KCNV2: variants seen among roughly 807,000 people sequenced by gnomAD.
KCNV2 encodes the protein potassium voltage-gated channel modifier subfamily V member 2.
In KCNV2, 65 loss-of-function variants were observed where a neutral mutation model predicts 37.0. The observed-to-expected ratio is 1.76, with a 90% CI of 1.44 to 2.16. The LOEUF (loss-of-function observed/expected upper bound fraction) is 2.16, where lower values mean the gene tolerates loss of function less well. KCNV2 is among the 30% of genes most tolerant of loss of function. KCNV2 has a pLI of 0.00. For missense variants in KCNV2, 1,232 were observed against 766.7 expected (o/e 1.61, Z -7.17); for synonymous variants, 518 against 328.6 (o/e 1.58, Z -6.23).
chr9:2,725,231 G>T (rs770198795), intron 1 of KCNV2, among the ~76,000 whole-genome samples: 1 of 152,104 alleles, frequency 6.6e-6, no homozygotes. Flanking sequence ...ACCGCTTATT[G>T]TACCACTTAC....
rs899801446 is a variant in KCNV2, at chr9:2,718,503, C to T, written c.764C>T (p.Ser255Phe). ...RLWNLMEKPF[S>F]SVAAKAIGVA... ...TGGAACCTCATGGAGAAGCCATTCT[C>T]CTCGGTGGCCGCCAAGGCCATCGGG... is the stretch of plus-strand genomic sequence containing the variant. The change falls in exon 1 of 2, where the codon TCC (serine) becomes TTC (phenylalanine). Residue 255 changes from serine (S) to phenylalanine (F), a missense_variant. Transcript: ENST00000382082. 6.2e-7 allele frequency: 1 copy of T among 1,610,814 alleles called. No individual in the cohort carries two copies. Among genetic ancestry groups the T allele is most frequent in the South Asian group, 1.1e-5 (1 of 90,746 alleles).
chr9:2,718,376 C>T lies in KCNV2; in HGVS notation c.637C>T (p.Arg213Trp), dbSNP rs747313869. The change falls in exon 1 of 2, where the codon CGG becomes TGG. Residue 213 changes from arginine (R) to tryptophan (W), a missense_variant. Arg to Trp is a moderately radical substitution (Grantham distance 101, BLOSUM62 -3). Transcript: ENST00000382082. ...GGAGCGGCGCGACGAGCTGAGCGAA[C>T]GGCTCAAGATCCAGCACGAGCTGCG... is the stretch of plus-strand genomic sequence containing the variant. ...FEERRDELSE[R>W]LKIQHELRAQ... is the part of the protein sequence containing the mutation. 8.1e-6 allele frequency: 13 copies of T among 1,599,754 alleles called. 1 individual carries two copies. In the East Asian group the frequency reaches 1.1e-4, roughly 14 times the overall value.
Position 2,718,758 on chromosome 9 carries a change from T to A in KCNV2, c.1019T>A (p.Leu340Gln). ...FARSALNLVD[L>Q]VAILPLYLQL... is the part of the protein sequence containing the mutation. ...CGCAGCGCCCTCAACCTGGTGGACC[T>A]GGTGGCCATCCTGCCGCTCTACCTT... The change falls in exon 1 of 2, where the codon CTG (leucine) becomes CAG (glutamine). Residue 340 changes from leucine to glutamine, a missense_variant. Coordinates refer to ENST00000382082, the MANE Select transcript of KCNV2 (RefSeq NM_133497.4). 6.2e-7 allele frequency: 1 copy of A among 1,611,784 alleles called. No individual in the cohort carries two copies. The highest frequency in any genetic ancestry group is 8.5e-7 in the Non-Finnish European group (1 of 1,179,886).
chr9:2,717,751 G>A lies in KCNV2; in HGVS notation c.12G>A (p.Gln4=). 1 of 1,614,194 alleles carries A rather than the reference G, an allele frequency of 6.2e-7. No homozygotes were observed. Among genetic ancestry groups the A allele is most frequent in the Non-Finnish European group, 8.5e-7 (1 of 1,180,012 alleles). ...CACTTTCCGCAGCCATGCTCAAACA[G>A]AGTGAGAGGAGACGGTCCTGGAGCT... MLK[Q]SERRRSWSYR... Residue 4 remains glutamine, a synonymous_variant, in exon 1 of 2, where the codon CAG becomes CAA. Coordinates refer to ENST00000382082, the MANE Select transcript of KCNV2 (RefSeq NM_133497.4).
chr9:2,723,861 C>T (rs2130865511), intron 1 of KCNV2, among the ~76,000 whole-genome samples: 1 of 152,242 alleles, frequency 6.6e-6, no homozygotes, highest in South Asian at 2.1e-4. Flanking sequence ...CTCTGGATTG[C>T]CTGGGGGTAG....
In KCNV2 at chr9:2,718,813, G is replaced by C. The variant is rs1229495796; in HGVS notation, c.1074G>C (p.Glu358Asp). 5.0e-6 allele frequency: 8 copies of C among 1,610,338 alleles called. No individual in the cohort carries two copies. Among genetic ancestry groups the C allele is most frequent in the Middle Eastern group, 1.6e-4 (1 of 6,062 alleles). ...TGCTGCTCGAGTGCTTCACGGGCGA[G>C]GGCCACCAACGCGGCCAGACGGTGG... ...LQLLLECFTG[E>D]GHQRGQTVGS... Residue 358 changes from glutamate to aspartate, a missense_variant, in exon 1 of 2, where the codon GAG becomes GAC. Physicochemically the swap from Glu to Asp is conservative, Grantham distance 45. Transcript: ENST00000382082.
Position 2,718,234 on chromosome 9 carries a change from C to T in KCNV2, c.495C>T (p.Tyr165=), listed in dbSNP as rs757715024. ...TCTTCCAGCTGGTCTACAATTTCTACCTGTCCGGGGTGCTGCTGGTGCTCG... is the reference window on the plus strand; with the variant it reads ...TCTTCCAGCTGGTCTACAATTTCTATCTGTCCGGGGTGCTGCTGGTGCTCG... ...PAVFQLVYNF[Y]LSGVLLVLDG... Residue 165 remains tyrosine, a synonymous_variant, in exon 1 of 2, where the codon TAC becomes TAT. Transcript: ENST00000382082. 2.5e-6 allele frequency: 4 copies of T among 1,613,482 alleles called. No individual in the cohort carries two copies. The South Asian group carries it at 3.3e-5, about 13-fold the overall frequency.
chr9:2,717,991 C>T lies in KCNV2; in HGVS notation c.252C>T (p.Ala84=), dbSNP rs775709306. The T allele has an allele frequency of 6.2e-7, 1 of 1,614,154 alleles. No homozygotes were observed. Among genetic ancestry groups the T allele is most frequent in the South Asian group, 1.1e-5 (1 of 91,084 alleles). ...EDQQAGEVTT[A]KPEGPSDPPA... is the part of the protein sequence containing the mutation. ...AGCAGGCAGGGGAGGTCACCACCGC[C>T]AAGCCCGAGGGCCCCAGCGACCCTC... is the stretch of plus-strand genomic sequence containing the variant. The change falls in exon 1 of 2, where the codon GCC becomes GCT. Residue 84 remains alanine (A), a synonymous_variant. Coordinates refer to ENST00000382082, the MANE Select transcript of KCNV2 (RefSeq NM_133497.4).
chr9:2,724,669 A>T (rs1248180672), intron 1 of KCNV2, among the ~76,000 whole-genome samples: 3 of 152,258 alleles, frequency 2.0e-5, no homozygotes, highest in Admixed American at 6.5e-5. Context: ...ATGCCAAAAA[A>T]TGCCTGAACC....
chr9:2,719,171 G>A (rs1819814962), intron 1 of KCNV2, 76 bp downstream of exon 1: 3 of 1,539,174 alleles, frequency 1.9e-6, no homozygotes, highest in Non-Finnish European at 2.6e-6. Flanking sequence ...CTGGTTATCA[G>A]CCACCAGGCT....
chr9:2,721,595 G>A (rs551940812), intron 1 of KCNV2, among the ~76,000 whole-genome samples: 3 of 152,184 alleles, frequency 2.0e-5, no homozygotes, highest in Admixed American at 2.0e-4. Flanking sequence ...TCATTGAACA[G>A]TAAGTTTTTG....
chr9:2,718,294 G>C lies in KCNV2; in HGVS notation c.555G>C (p.Leu185=). ...GLCPRRFLEE[L]GYWGVRLKYT... ...GTCCGCGCCGCTTCCTGGAGGAGCT[G>C]GGCTACTGGGGCGTGCGGCTCAAGT... Residue 185 remains leucine, a synonymous_variant, in exon 1 of 2, where the codon CTG becomes CTC. Coordinates refer to ENST00000382082, the MANE Select transcript of KCNV2 (RefSeq NM_133497.4). 6.2e-7 allele frequency: 1 copy of C among 1,610,404 alleles called. No homozygotes were observed. The highest frequency in any genetic ancestry group is 8.5e-7 in the Non-Finnish European group (1 of 1,179,534).
intron 1 of KCNV2, 66 bp downstream of exon 1, chr9:2,719,161 C>G: frequency 1.3e-6 from 2 of 1,567,018 alleles, no homozygotes; most frequent in South Asian, 1.1e-5. Flanking sequence ...CCTCCCTCCC[C>G]TGGTTATCAG....
Position 2,718,129 on chromosome 9 carries a change from C to T in KCNV2, c.390C>T (p.Thr130=). ...GCCTAGGTCGCCTGGCCACCTCCAC[C>T]AGCCGCAGCCGCCAGCTAAGCCTGT... ...KTRLGRLATS[T]SRSRQLSLCD... is the part of the protein sequence containing the mutation. The change falls in exon 1 of 2, where the codon ACC becomes ACT. Residue 130 remains threonine (T), a synonymous_variant. Transcript: ENST00000382082. 6.2e-7 allele frequency: 1 copy of T among 1,606,696 alleles called. No individual in the cohort carries two copies. Among genetic ancestry groups the T allele is most frequent in the Non-Finnish European group, 8.5e-7 (1 of 1,176,784 alleles).
intron 1 of KCNV2, among the ~76,000 whole-genome samples, chr9:2,723,992 GACC>G (rs1377430372): frequency 6.8e-6 from 1 of 146,322 alleles, no homozygotes; most frequent in African/African-American, 2.5e-5. Flanking sequence ...CTCAACATAT[GACC>G]ACATTTTTTT....
Position 2,729,705 on chromosome 9 carries a change from T to C in KCNV2, c.1616T>C (p.Leu539Pro), listed in dbSNP as rs112673841. The C allele has an allele frequency of 2.4e-3, 3,842 of 1,614,014 alleles. 83 individuals carry two copies. The African/African-American group carries it at 0.044, about 19-fold the overall frequency. Reference sequence around the variant, plus strand: ...TGTTTGCTTGGAAGCAACCCACAGCTCACCCCAAGACAAGAGAATTAGTAT... The same window carrying C: ...TGTTTGCTTGGAAGCAACCCACAGCCCACCCCAAGACAAGAGAATTAGTAT... ...AECLLGSNPQ[L>P]TPRQEN The change falls in exon 2 of 2, where the codon CTC becomes CCC. Residue 539 changes from leucine to proline, a missense_variant. Coordinates refer to ENST00000382082, the MANE Select transcript of KCNV2 (RefSeq NM_133497.4).
In KCNV2 at chr9:2,718,429, G is replaced by A. The variant is rs757378261; in HGVS notation, c.690G>A (p.Glu230=). The change falls in exon 1 of 2, where the codon GAG becomes GAA. Residue 230 remains glutamate, a synonymous_variant. Transcript: ENST00000382082. ...CGCAGGCGCAGGTCGAGGAGGCGGA[G>A]GAACTCTTCCGCGACATGCGCTTCT... ...LRAQAQVEEA[E]ELFRDMRFYG... is the part of the protein sequence containing the mutation. 7 of 1,606,138 alleles carry A rather than the reference G, an allele frequency of 4.4e-6. No homozygotes were observed. The highest frequency in any genetic ancestry group is 3.3e-5 in the South Asian group (3 of 90,110).
intron 1 of KCNV2, among the ~76,000 whole-genome samples, chr9:2,727,138 T>C (rs988543191): frequency 2.0e-5 from 3 of 152,076 alleles, no homozygotes; most frequent in Non-Finnish European, 2.9e-5. Context: ...GTGTGAGTCA[T>C]GGTGTTAGTG....
In KCNV2 at chr9:2,718,335, G is replaced by A. The variant is rs770865610; in HGVS notation, c.596G>A (p.Cys199Tyr). 1.2e-6 allele frequency: 2 copies of A among 1,603,802 alleles called. No homozygotes were observed. Among genetic ancestry groups the A allele is most frequent in the Admixed American group, 3.4e-5 (2 of 58,704 alleles). ...CGGCTCAAGTACACGCCACGCTGCT[G>A]CCGCATCTGCTTCGAGGAGCGGCGC... Reference protein sequence around the residue: ...GVRLKYTPRCCRICFEERRDE... With the variant: ...GVRLKYTPRCYRICFEERRDE... Residue 199 changes from cysteine (C) to tyrosine (Y), a missense_variant, in exon 1 of 2, where the codon TGC becomes TAC. Physicochemically the swap from Cys to Tyr is radical, Grantham distance 194 (BLOSUM62 -2). Transcript: ENST00000382082.
Sources: gnomAD v4.1 joint callset for allele counts (sites outside exome capture counted in the v4.1 genomes callset) on GRCh38, gnomAD v4.1.1 for gene constraint, MANE v1.5 for transcripts, NCBI Gene and HGNC (gene_info 2026-07-23, HGNC 2026-07-21) for gene names.